NUTM2E: variants seen among roughly 807,000 people sequenced by gnomAD.
NUTM2E encodes family with sequence similarity 22, member E.
A neutral mutation model predicts 26.1 loss-of-function variants in NUTM2E; 3 were observed. The observed-to-expected ratio is 0.12, with a 90% CI of 0.05 to 0.30. The LOEUF is 0.30. NUTM2E is among the 10% of genes least tolerant of loss of function. The pLI, the probability that NUTM2E is intolerant of heterozygous loss-of-function variation, is 1.00. For synonymous variants in NUTM2E, 13 were observed against 157.5 expected, an observed-to-expected ratio of 0.08 and a Z score of 6.87; for missense variants, 62 against 381.3, an observed-to-expected ratio of 0.16 and a Z score of 6.97.
chr10:79,833,681 G>A (rs1397942260), intron 1 of NUTM2E, among the ~76,000 whole-genome samples: 2 of 151,722 alleles, frequency 1.3e-5, no homozygotes, highest in Non-Finnish European at 2.9e-5. Flanking sequence ...AGGCCAGTTA[G>A]AATGGCAATC....
chr10:79,827,975 A>T (rs996278200), intron 1 of NUTM2E, among the ~76,000 whole-genome samples: 7 of 151,190 alleles, frequency 4.6e-5, no homozygotes, highest in African/African-American at 1.7e-4. Flanking sequence ...TTGTGTTTTT[A>T]TTAGAGACGG....
At chr10:79,833,183 A>C (rs926067697) in intron 1 of NUTM2E, among the ~76,000 whole-genome samples, 1 of 151,942 alleles carries the variant, frequency 6.6e-6, no homozygotes. Context: ...GTCCCCAAAA[A>C]GCAATTAAGC....
rs1213572872 is a variant in NUTM2E, at chr10:79,849,029, TTGTG to T, written c.1734+140_1734+143del. On this transcript the variant is annotated intron_variant, in intron 8 of 9. Coordinates refer to ENST00000429984, the MANE Select transcript of NUTM2E (RefSeq NM_001355263.2). ...TGGATTTGAGTGTCTGTGTATGTGA[TTGTG>T]TGTGTCTGTGTGTTTGTGTCTGTGG... The T allele has an allele frequency of 1.5e-5, 14 of 948,114 alleles. 4 individuals carry two copies. In the East Asian group the frequency reaches 1.6e-4, roughly 11 times the overall value. 58.7% of individuals were successfully genotyped at this position (948,114 alleles called of 1,614,324 possible). A position where few individuals can be genotyped will look rare whatever the true frequency, so the allele number is the denominator to read the frequency against.
chr10:79,833,326 T>C (rs1226589454), intron 1 of NUTM2E, among the ~76,000 whole-genome samples: 1 of 151,396 alleles, frequency 6.6e-6, no homozygotes, highest in East Asian at 1.9e-4. Context: ...CACTCCGATA[T>C]TGGACCTGTT....
At chr10:79,830,276 T>C (rs1358302891) in intron 1 of NUTM2E, among the ~76,000 whole-genome samples, 1 of 151,680 alleles carries the variant, frequency 6.6e-6, no homozygotes, top group Non-Finnish European at 1.5e-5. Flanking sequence ...TTCTATTATG[T>C]CAAAAGACAT....
At chr10:79,831,770 A>G (rs1360380166) in intron 1 of NUTM2E, among the ~76,000 whole-genome samples, 3 of 151,320 alleles carry the variant, frequency 2.0e-5, no homozygotes, top group African/African-American at 4.8e-5. Context: ...AAATTTTCCA[A>G]AATTAATTAC....
At chr10:79,830,019 C>T (rs1841916631) in intron 1 of NUTM2E, among the ~76,000 whole-genome samples, 1 of 151,464 alleles carries the variant, frequency 6.6e-6, no homozygotes, top group African/African-American at 2.4e-5. Flanking sequence ...AGGACTGGGG[C>T]ATACCTTTTA....
intron 1 of NUTM2E, among the ~76,000 whole-genome samples, chr10:79,838,086 G>A (rs952003501): frequency 6.6e-6 from 1 of 151,326 alleles, no homozygotes; most frequent in African/African-American, 2.4e-5. Context: ...CCACAACAGT[G>A]GGTCATAGTA....
At chr10:79,833,051 A>G (rs1841936990) in intron 1 of NUTM2E, among the ~76,000 whole-genome samples, 1 of 151,882 alleles carries the variant, frequency 6.6e-6, no homozygotes, top group Admixed American at 6.6e-5. Context: ...AGAAAACCAA[A>G]TAAGATTGTC....
At chr10:79,828,979 C>A (rs1288009357) in intron 1 of NUTM2E, among the ~76,000 whole-genome samples, 2 of 151,770 alleles carry the variant, frequency 1.3e-5, no homozygotes, top group Non-Finnish European at 2.9e-5. Context: ...TAAATTTTGA[C>A]CATACCTGAA....
intron 1 of NUTM2E, among the ~76,000 whole-genome samples, chr10:79,828,147 GATTTAAGGATGTAAGCATA>G (rs1324631574): frequency 1.3e-5 from 2 of 151,388 alleles, no homozygotes; most frequent in Non-Finnish European, 2.9e-5. Flanking sequence ...TGAGGCAACT[GATTTAAGGATGTAAGCATA>G]ATTTAAGGAT....
At chr10:79,831,564 C>G (rs1281220455) in intron 1 of NUTM2E, among the ~76,000 whole-genome samples, 13 of 151,670 alleles carry the variant, frequency 8.6e-5, no homozygotes, top group Non-Finnish European at 1.9e-4. Flanking sequence ...TTTAAAAAGA[C>G]CTCATCAGAC....
intron 1 of NUTM2E, among the ~76,000 whole-genome samples, chr10:79,836,792 A>G (rs1465924250): frequency 2.0e-5 from 3 of 152,008 alleles, no homozygotes; most frequent in Non-Finnish European, 4.4e-5. Flanking sequence ...AAAAGAAAAT[A>G]GAACTGAGAA....
chr10:79,840,012 G>T lies in NUTM2E; in HGVS notation c.-1729G>T, dbSNP rs578248989. On this transcript the variant is annotated 5_prime_UTR_variant, in exon 4 of 10. Coordinates refer to ENST00000429984, the MANE Select transcript of NUTM2E (RefSeq NM_001355263.2). ...AAGACACTTCCACAATATATTTTTTGTATCACTGGCTCAGAAAAAGACTCA... is the reference window on the plus strand; with the variant it reads ...AAGACACTTCCACAATATATTTTTTTTATCACTGGCTCAGAAAAAGACTCA... 6.7e-6 allele frequency among the ~76,000 whole-genome samples: 1 copy of T among 149,040 alleles called. No individual in the cohort carries two copies. The highest frequency in any genetic ancestry group is 2.1e-4 in the South Asian group (1 of 4,676).
chr10:79,834,839 CACACAA>C (rs1168480591), intron 1 of NUTM2E, among the ~76,000 whole-genome samples: 12 of 150,752 alleles, frequency 8.0e-5, no homozygotes, highest in African/African-American at 2.2e-4. Flanking sequence ...CACACACACA[CACACAA>C]ACACACAAAC....
chr10:79,836,950 C>A (rs1174553752), intron 1 of NUTM2E, among the ~76,000 whole-genome samples: 1 of 151,746 alleles, frequency 6.6e-6, no homozygotes, highest in African/African-American at 2.4e-5. Flanking sequence ...CCTCTCCTCA[C>A]AATGAATAAC....
At chr10:79,827,804 T>G (rs1191744298) in intron 1 of NUTM2E, among the ~76,000 whole-genome samples, 2 of 141,882 alleles carry the variant, frequency 1.4e-5, no homozygotes, top group South Asian at 2.2e-4. Context: ...TGTTTTTTTT[T>G]TTTTGTTTTT....
rs1439006041 is a variant in NUTM2E at position 79,848,496 on chromosome 10, C to T, written c.1352-17C>T. ...AGCGGCCCTCACCACGCCCGTCCTCCTCCCTCTCTGCCTCAGTGTACCTTC... is the reference window on the plus strand; with the variant it reads ...AGCGGCCCTCACCACGCCCGTCCTCTTCCCTCTCTGCCTCAGTGTACCTTC... On this transcript the variant is annotated splice_polypyrimidine_tract_variant and intron_variant, in intron 7 of 9. Coordinates refer to ENST00000429984, the MANE Select transcript of NUTM2E (RefSeq NM_001355263.2). 5.7e-6 allele frequency: 3 copies of T among 528,298 alleles called. No homozygotes were observed. In the Admixed American group the frequency reaches 1.8e-4, roughly 31 times the overall value. The allele number at this position is 528,298 out of a possible 1,614,324, so 32.7% of individuals were successfully genotyped here.
At chr10:79,836,002 A>G (rs959733338) in intron 1 of NUTM2E, among the ~76,000 whole-genome samples, 5 of 151,668 alleles carry the variant, frequency 3.3e-5, no homozygotes, top group African/African-American at 4.8e-5. Context: ...TCAAATTTTG[A>G]TATTTCCAGA....
Sources: allele counts gnomAD v4.1 joint callset (sites outside exome capture counted in the v4.1 genomes callset), GRCh38; gene constraint gnomAD v4.1.1; transcripts MANE v1.5; gene names NCBI Gene and HGNC (gene_info 2026-07-23, HGNC 2026-07-21).